Variants in SLC35A2 observed in about 807,000 individuals in gnomAD.
SLC35A2 encodes solute carrier family 35 member A2.
A neutral mutation model predicts 17.3 loss-of-function variants in SLC35A2; 1 was observed. The ratio of observed to expected loss-of-function variants is 0.06; its 90% CI spans 0.02 to 0.27. The LOEUF is 0.27. Ranked by LOEUF, SLC35A2 falls within the 10% of genes least tolerant of loss-of-function variation. The probability of loss-of-function intolerance (pLI) is 1.00; values close to 1 mark genes in which losing one functional copy is unlikely to be tolerated. For missense variants in SLC35A2, 191 were observed against 339.3 expected (o/e 0.56, Z 3.43); for synonymous variants, 161 against 161.3 (o/e 1.00, Z 0.01).
upstream of SLC35A2, chrX:48,911,730 G>T: frequency 4.3e-6 from 5 of 1,156,135 alleles, no homozygotes; most frequent in Non-Finnish European, 5.8e-6. Context: ...AAGGTGGAGC[G>T]AGAGCCGGGA....
At chrX:48,909,748 A>AAC in intron 2 of SLC35A2, 66 bp downstream of exon 2, 2 of 961,840 alleles carry the variant, frequency 2.1e-6, no homozygotes, top group South Asian at 2.2e-5. Context: ...CATCTGTGTG[A>AAC]ACACACACAC....
At chrX:48,909,695 C>T (rs782600695) in intron 2 of SLC35A2, 119 bp downstream of exon 2, 17 of 626,145 alleles carry the variant, frequency 2.7e-5, no homozygotes, top group Admixed American at 3.3e-5. Flanking sequence ...GCTGGAGTGG[C>T]GCTCCAGGCA....
chrX:48,903,787 C>T (rs2063462795), intron 4 of SLC35A2: 2 of 890,461 alleles, frequency 2.2e-6, no homozygotes, highest in South Asian at 3.5e-5. Flanking sequence ...CACACCCCGC[C>T]CCGATACAGT....
At chrX:48,907,310 C>T (rs1454748226) in intron 2 of SLC35A2, among the ~76,000 whole-genome samples, 2 of 105,114 alleles carry the variant, frequency 1.9e-5, no homozygotes, top group South Asian at 8.9e-4. Flanking sequence ...CACAGTGGCG[C>T]GATCTCGGCT....
chrX:48,910,062 ACCAC>A, intron 1 of SLC35A2, 66 bp from the exon 2 acceptor site: 2 of 999,417 alleles, frequency 2.0e-6, no homozygotes, highest in Non-Finnish European at 2.8e-6. Flanking sequence ...TAGCCACACC[ACCAC>A]CCACCCCCTT....
chrX:48,903,354 CT>C lies in SLC35A2; in HGVS notation c.*83del. The C allele has an allele frequency of 1.7e-6, 1 of 579,133 alleles. No individual in the cohort carries two copies. The highest frequency in any genetic ancestry group is 3.1e-6 in the Non-Finnish European group (1 of 322,305). 47.7% of individuals were successfully genotyped at this position (579,133 alleles called of 1,213,427 possible). A position where few individuals can be genotyped will look rare whatever the true frequency, so the allele number is the denominator to read the frequency against. On this transcript the variant is annotated 3_prime_UTR_variant, in exon 5 of 5. Coordinates refer to ENST00000247138, the MANE Select transcript of SLC35A2 (RefSeq NM_005660.3). Reference sequence around the variant, plus strand: ...GTCCAGTGTCTACCTCACTCTACCCCTAATACTGATCAGAGTTTGGTCCCAG... The same window carrying C: ...GTCCAGTGTCTACCTCACTCTACCCCAATACTGATCAGAGTTTGGTCCCAG...
chrX:48,911,418 G>GCACA (rs3066479), intron 1 of SLC35A2, 128 bp downstream of exon 1: 1,978 of 751,761 alleles, frequency 2.6e-3, no homozygotes, highest in Non-Finnish European at 3.0e-3. Context: ...CTGACAATGT[G>GCACA]CACACACACA....
intron 1 of SLC35A2, 152 bp downstream of exon 1, chrX:48,911,394 C>T: frequency 2.8e-6 from 2 of 719,009 alleles, no homozygotes; most frequent in South Asian, 2.3e-5. Context: ...GTTCTCTTCC[C>T]CGCCCCCAAC....
Position 48,903,484 on chromosome X carries a change from G to A in SLC35A2, c.1164-19C>T. The A allele has an allele frequency of 1.7e-6, 1 of 573,735 alleles. No homozygotes were observed. The allele number at this position is 573,735 out of a possible 1,213,427, so 47.3% of individuals were successfully genotyped here. A position where few individuals can be genotyped will look rare whatever the true frequency, so the allele number is the denominator to read the frequency against. On this transcript the variant is annotated intron_variant, in intron 4 of 4. Coordinates refer to ENST00000247138, the MANE Select transcript of SLC35A2 (RefSeq NM_005660.3). ...GAGCAACCTGTGGTGGGAATGGGGA[G>A]GAAAGAAAAACACAAAGCTGGGCTA...
At chrX:48,903,778 A>G in intron 4 of SLC35A2, 1 of 912,174 alleles carries the variant, frequency 1.1e-6, no homozygotes, top group Non-Finnish European at 1.4e-6. Context: ...ATGCACACAC[A>G]CACCCCGCCC....
intron 4 of SLC35A2, 151 bp downstream of exon 4, chrX:48,904,595 G>A (rs1557042530): frequency 8.3e-7 from 1 of 1,201,815 alleles, no homozygotes. Context: ...AAGTCTCAGT[G>A]ACCTGGGAGA....
At chrX:48,905,874 C>T in intron 3 of SLC35A2, 1 of 263,874 alleles carries the variant, frequency 3.8e-6, no homozygotes, top group Non-Finnish European at 6.7e-6. Context: ...TCAGCAAATA[C>T]TTACATAGTG....
At chrX:48,910,091 G>T in intron 1 of SLC35A2, 95 bp from the exon 2 acceptor site, 3 of 923,883 alleles carry the variant, frequency 3.2e-6, no homozygotes, top group Non-Finnish European at 4.5e-6. Flanking sequence ...TCTCACCCAG[G>T]ACCCTCCTAG....
chrX:48,911,834 G>C, upstream of SLC35A2: 1 of 1,167,286 alleles, frequency 8.6e-7, no homozygotes, highest in Non-Finnish European at 1.1e-6. Flanking sequence ...GGAGGCCGGG[G>C]ACACGGCCCG....
chrX:48,906,523 G>C lies in SLC35A2; in HGVS notation c.295C>G (p.Leu99Val). Reference sequence around the variant, plus strand: ...ACCAGGACAGCCTCATGGAGGAAGAGAACCAGGTGCTTCACGTTACCTAGG... The same window carrying C: ...ACCAGGACAGCCTCATGGAGGAAGACAACCAGGTGCTTCACGTTACCTAGG... ...QKRGNVKHLVLFLHEAVLVQY... is the reference protein window; with the variant it reads ...QKRGNVKHLVVFLHEAVLVQY... The change falls in exon 3 of 5, where the codon CTC (leucine) becomes GTC (valine). Residue 99 changes from leucine (L) to valine (V), a missense_variant. Physicochemically the swap from Leu to Val is conservative, Grantham distance 32. This residue lies in a region of SLC35A2 where 164 missense variants were observed against 315.3 expected (regional missense o/e 0.52). Coordinates refer to ENST00000247138, the MANE Select transcript of SLC35A2 (RefSeq NM_005660.3). 2.5e-6 allele frequency: 3 copies of C among 1,211,630 alleles called. No homozygotes were observed. Among genetic ancestry groups the C allele is most frequent in the Non-Finnish European group, 3.4e-6 (3 of 895,176 alleles).
intron 4 of SLC35A2, chrX:48,903,943 C>T: frequency 1.3e-6 from 1 of 762,288 alleles, no homozygotes; most frequent in Non-Finnish European, 1.6e-6. Context: ...CTAGACATCT[C>T]CAAAAATAAG....
intron 2 of SLC35A2, among the ~76,000 whole-genome samples, chrX:48,907,192 G>T (rs1015399575): frequency 3.7e-5 from 4 of 106,785 alleles, no homozygotes; most frequent in South Asian, 8.0e-4. Flanking sequence ...AAGAAAGAAA[G>T]AAATAACCAT....
chrX:48,910,258 G>A (rs1021156488), intron 1 of SLC35A2: 111 of 1,148,375 alleles, frequency 9.7e-5, no homozygotes, highest in Non-Finnish European at 1.2e-4. Flanking sequence ...GAGGTGTCAG[G>A]TAATGGCTGA....
upstream of SLC35A2, chrX:48,911,831 G>C: frequency 1.7e-6 from 2 of 1,167,173 alleles, no homozygotes; most frequent in Non-Finnish European, 2.3e-6. Context: ...TCGGGAGGCC[G>C]GGGACACGGC....
Sources: allele counts gnomAD v4.1 joint callset (sites outside exome capture counted in the v4.1 genomes callset), GRCh38; gene constraint gnomAD v4.1.1; regional missense constraint gnomAD v4.1.1; transcripts MANE v1.5; gene names NCBI Gene and HGNC (gene_info 2026-07-23, HGNC 2026-07-21).